Variants in PPP6C observed in about 807,000 individuals in gnomAD.
PPP6C encodes the protein protein phosphatase 6 catalytic subunit.
PPP6C carries 11 observed loss-of-function variants against 39.8 expected under a neutral mutation model. The observed-to-expected ratio is 0.28, with a 90% CI of 0.17 to 0.46. The LOEUF is 0.46. Ranked by LOEUF, PPP6C falls within the 20% of genes least tolerant of loss-of-function variation. The pLI is 1.00. For synonymous variants in PPP6C, 129 were observed against 130.3 expected, an observed-to-expected ratio of 0.99 and a Z score of 0.07; for missense variants, 211 against 373.9, an observed-to-expected ratio of 0.56 and a Z score of 3.59.
chr9:125,156,499 C>T (rs1836079806), intron 4 of PPP6C, among the ~76,000 whole-genome samples: 1 of 152,218 alleles, frequency 6.6e-6, no homozygotes, highest in African/African-American at 2.4e-5. Context: ...GTCTCGATCT[C>T]CTGACCTTGT....
Position 125,187,348 on chromosome 9 carries a change from G to C in PPP6C, c.75+2296C>G, listed in dbSNP as rs1231618614. Among the ~76,000 whole-genome samples the C allele has an allele frequency of 2.0e-5, 3 of 151,086 alleles. No homozygotes were observed. In the South Asian group the frequency reaches 6.2e-4, roughly 31 times the overall value. ...GGCTGGAGTACAGTGGTGTGATCCC[G>C]GCTCACTGCAAGCAATTCTCCCGGG... On this transcript the variant is annotated intron_variant, in intron 1 of 6. Coordinates refer to ENST00000373547, the MANE Select transcript of PPP6C (RefSeq NM_002721.5).
intron 1 of PPP6C, among the ~76,000 whole-genome samples, chr9:125,181,269 A>T (rs757478853): frequency 6.6e-6 from 1 of 151,814 alleles, no homozygotes; most frequent in African/African-American, 2.4e-5. Context: ...TTTAGGGTAA[A>T]CTATACCCCT....
At chr9:125,187,985 C>A (rs1183095815) in intron 1 of PPP6C, among the ~76,000 whole-genome samples, 1 of 151,996 alleles carries the variant, frequency 6.6e-6, no homozygotes, top group East Asian at 1.9e-4. Flanking sequence ...CACAACAGCA[C>A]GTGTGGCCTC....
At chr9:125,175,202 G>A (rs1829269904) in intron 1 of PPP6C, among the ~76,000 whole-genome samples, 1 of 151,602 alleles carries the variant, frequency 6.6e-6, no homozygotes, top group Non-Finnish European at 1.5e-5. Flanking sequence ...GTGAGACTCT[G>A]TTTCAAAAAA....
intron 1 of PPP6C, among the ~76,000 whole-genome samples, chr9:125,186,928 A>AT (rs1201798431): frequency 4.9e-5 from 6 of 122,876 alleles, no homozygotes; most frequent in African/African-American, 1.3e-4. Flanking sequence ...AGTCCAACAG[A>AT]TTTTTCTTTC....
At chr9:125,152,797 T>C (rs1022368715) in intron 6 of PPP6C, among the ~76,000 whole-genome samples, 2 of 150,782 alleles carry the variant, frequency 1.3e-5, no homozygotes, top group African/African-American at 4.9e-5. Context: ...ACCATTGTAC[T>C]CCAGCCTGGG....
chr9:125,171,769 G>C, intron 1 of PPP6C: 1 of 402,030 alleles, frequency 2.5e-6, no homozygotes, highest in Admixed American at 3.1e-5. Flanking sequence ...GGCCAGGCTG[G>C]TCTTGAACTC....
At chr9:125,167,939 G>A (rs1368042959) in intron 2 of PPP6C, among the ~76,000 whole-genome samples, 1 of 151,544 alleles carries the variant, frequency 6.6e-6, no homozygotes, top group Non-Finnish European at 1.5e-5. Context: ...ATAGGCATGA[G>A]CCATCATGCC....
At chr9:125,166,457 C>A (rs1043608625) in intron 2 of PPP6C, among the ~76,000 whole-genome samples, 1 of 151,680 alleles carries the variant, frequency 6.6e-6, no homozygotes, top group African/African-American at 2.4e-5. Flanking sequence ...CAGTCATTCT[C>A]AAGTAAAAAT....
intron 6 of PPP6C, chr9:125,150,892 C>G (rs866467369): frequency 5.8e-6 from 5 of 865,706 alleles, no homozygotes; most frequent in Non-Finnish European, 1.0e-5. Context: ...ACTGCTTCAG[C>G]GAGCCAGCTT....
intron 3 of PPP6C, among the ~76,000 whole-genome samples, chr9:125,159,659 T>A (rs1432423765): frequency 1.3e-5 from 2 of 152,230 alleles, no homozygotes; most frequent in Non-Finnish European, 2.9e-5. Context: ...ATATACTATT[T>A]ACACTTCCCA....
At chr9:125,181,325 C>CTATTG (rs1437475400) in intron 1 of PPP6C, among the ~76,000 whole-genome samples, 1 of 151,800 alleles carries the variant, frequency 6.6e-6, no homozygotes, top group Admixed American at 6.6e-5. Flanking sequence ...TTTTTGTGTT[C>CTATTG]TGTTTTCTAT....
At chr9:125,185,900 G>A (rs1588299395) in intron 1 of PPP6C, among the ~76,000 whole-genome samples, 1 of 151,864 alleles carries the variant, frequency 6.6e-6, no homozygotes, top group Admixed American at 6.6e-5. Flanking sequence ...CAGGAGAATC[G>A]CTTGAACCCG....
intron 1 of PPP6C, chr9:125,189,440 C>T (rs1829613200): frequency 7.3e-7 from 1 of 1,368,006 alleles, no homozygotes; most frequent in East Asian, 2.7e-5. Flanking sequence ...CCCTCGGGAT[C>T]CCCACTGAGG....
chr9:125,188,793 CAAT>C lies in PPP6C; in HGVS notation c.75+848_75+850del, dbSNP rs57163595. 1.7e-3 allele frequency: 435 copies of C among 254,484 alleles called. 1 individual carries two copies. Among genetic ancestry groups the C allele is most frequent in the South Asian group, 2.3e-3 (19 of 8,228 alleles). 15.8% of individuals were successfully genotyped at this position (254,484 alleles called of 1,614,324 possible). On this transcript the variant is annotated intron_variant, in intron 1 of 6. Transcript: ENST00000373547. ...AGTGAGACTCTATCTCAGTTAAAAACAATAATAATAATAATAATAATAATAATT... is the reference window on the plus strand; with the variant it reads ...AGTGAGACTCTATCTCAGTTAAAAACAATAATAATAATAATAATAATAATT...
At chr9:125,160,774 T>C (rs1053169143) in intron 3 of PPP6C, 67 bp downstream of exon 3, 2 of 1,152,686 alleles carry the variant, frequency 1.7e-6, no homozygotes, top group Admixed American at 5.1e-5. Context: ...TATTATGCAA[T>C]TTACATTTAA....
At chr9:125,188,295 G>T (rs948805620) in intron 1 of PPP6C, among the ~76,000 whole-genome samples, 4 of 152,152 alleles carry the variant, frequency 2.6e-5, no homozygotes, top group Non-Finnish European at 5.9e-5. Flanking sequence ...TGAGGCAGGA[G>T]AATGGCGTGA....
intron 2 of PPP6C, among the ~76,000 whole-genome samples, chr9:125,165,746 T>C (rs1244983044): frequency 6.6e-6 from 1 of 151,662 alleles, no homozygotes; most frequent in Non-Finnish European, 1.5e-5. Flanking sequence ...TTATGACACT[T>C]AAAAGTTAAT....
At chr9:125,176,970 A>T (rs1705230591) in intron 1 of PPP6C, among the ~76,000 whole-genome samples, 1 of 152,178 alleles carries the variant, frequency 6.6e-6, no homozygotes, top group Non-Finnish European at 1.5e-5. Flanking sequence ...CATTACTGAG[A>T]CAGTTACAAC....
Sources: allele counts gnomAD v4.1 joint callset (sites outside exome capture counted in the v4.1 genomes callset), GRCh38; gene constraint gnomAD v4.1.1; transcripts MANE v1.5; gene names NCBI Gene and HGNC (gene_info 2026-07-23, HGNC 2026-07-21).